TMEM178A: variants seen among roughly 807,000 people sequenced by gnomAD.
The protein encoded by TMEM178A is transmembrane protein 178.
TMEM178A carries 12 observed loss-of-function variants against 29.1 expected under a neutral mutation model. That is an observed-to-expected ratio of 0.41 (90% CI 0.26 to 0.67). The LOEUF (loss-of-function observed/expected upper bound fraction) is 0.67. Among genes scored for constraint, TMEM178A ranks in the 30% least tolerant of loss-of-function variants. TMEM178A has a pLI of 0.29. For synonymous variants in TMEM178A, 210 were observed against 187.2 expected (o/e 1.12, Z -0.99); for missense variants, 366 against 419.1 (o/e 0.87, Z 1.11).
At chr2:39,733,368 A>G in the TMEM178A span, among the ~76,000 whole-genome samples, 1 of 152,214 alleles carries the variant, frequency 6.6e-6, no homozygotes, top group Non-Finnish European at 1.5e-5. Context: ...GTGTCACCAG[A>G]CAGGAGCAGC....
chr2:39,672,078 G>C (rs1021879805), intron 1 of TMEM178A, among the ~76,000 whole-genome samples: 1 of 152,190 alleles, frequency 6.6e-6, no homozygotes, highest in Non-Finnish European at 1.5e-5. Flanking sequence ...TCCACAGTGT[G>C]CTGAGGCTGA....
chr2:39,715,480 T>C (rs962223193), intron 3 of TMEM178A, among the ~76,000 whole-genome samples: 18 of 152,244 alleles, frequency 1.2e-4, no homozygotes, highest in African/African-American at 3.4e-4. Context: ...CTTTTTTGAA[T>C]GGCCCATTAC....
At chr2:39,668,938 T>C (rs1670291688) in intron 1 of TMEM178A, among the ~76,000 whole-genome samples, 2 of 152,236 alleles carry the variant, frequency 1.3e-5, no homozygotes, top group South Asian at 4.1e-4. Flanking sequence ...ACCTTTGTTT[T>C]GGCATCTGAC....
Position 39,717,446 on chromosome 2 carries a change from A to AAGCACT in TMEM178A, c.*195_*196insAGCACT. The AAGCACT allele has an allele frequency of 1.5e-6, 1 of 665,416 alleles. No homozygotes were observed. Among genetic ancestry groups the AAGCACT allele is most frequent in the Non-Finnish European group, 2.4e-6 (1 of 423,748 alleles). The allele number at this position is 665,416 out of a possible 1,614,324, so 41.2% of individuals were successfully genotyped here. A position where few individuals can be genotyped will look rare whatever the true frequency, so the allele number is the denominator to read the frequency against. On this transcript the variant is annotated 3_prime_UTR_variant, in exon 4 of 4. Transcript: ENST00000281961. ...GACTACTGTGGATTCAAGTGCTTTA[A>AAGCACT]TGACTATTTATGCGTTGACTGTGAG...
chr2:39,712,675 C>A (rs1479446367), intron 3 of TMEM178A, among the ~76,000 whole-genome samples: 1 of 152,098 alleles, frequency 6.6e-6, no homozygotes, highest in East Asian at 1.9e-4. Context: ...CTCTCTCTCT[C>A]TCTCTCTCTG....
At chr2:39,718,184 C>G (rs113826958), downstream of TMEM178A, among the ~76,000 whole-genome samples, 1 of 109,420 alleles carries the variant, frequency 9.1e-6, no homozygotes, top group African/African-American at 3.7e-5. Flanking sequence ...ATACTATTTA[C>G]AATTTTCTTC....
intron 3 of TMEM178A, among the ~76,000 whole-genome samples, chr2:39,713,873 T>C (rs903688626): frequency 2.6e-5 from 4 of 152,248 alleles, no homozygotes; most frequent in Admixed American, 1.3e-4. Context: ...ACTCTTTTTC[T>C]TGATGCCTTT....
intron 1 of TMEM178A, among the ~76,000 whole-genome samples, chr2:39,689,231 T>A (rs1353142162): frequency 6.6e-6 from 1 of 152,242 alleles, no homozygotes; most frequent in Non-Finnish European, 1.5e-5. Context: ...CATGCTAAAA[T>A]GTGCAGCCTT....
At chr2:39,673,617 A>C (rs1324553481) in intron 1 of TMEM178A, among the ~76,000 whole-genome samples, 1 of 152,232 alleles carries the variant, frequency 6.6e-6, no homozygotes, top group Admixed American at 6.5e-5. Context: ...GTGTACAGAT[A>C]ATTCCAGAAG....
chr2:39,728,238 T>TA, the TMEM178A span, among the ~76,000 whole-genome samples: 3 of 152,218 alleles, frequency 2.0e-5, no homozygotes, highest in Admixed American at 6.5e-5. Context: ...CCTGACTTTT[T>TA]AATGATTGCC....
At chr2:39,735,763 G>C in the TMEM178A span, among the ~76,000 whole-genome samples, 2 of 152,228 alleles carry the variant, frequency 1.3e-5, no homozygotes, top group African/African-American at 2.4e-5. Flanking sequence ...GAAGCTTAGC[G>C]GTGGCTACGT....
At chr2:39,670,042 C>T (rs1314269882) in intron 1 of TMEM178A, among the ~76,000 whole-genome samples, 1 of 152,186 alleles carries the variant, frequency 6.6e-6, no homozygotes, top group Non-Finnish European at 1.5e-5. Flanking sequence ...GCTGAGGAAG[C>T]TTTGCTGATC....
the TMEM178A span, among the ~76,000 whole-genome samples, chr2:39,722,999 T>C: frequency 2.2e-3 from 342 of 152,314 alleles, 4 homozygotes; most frequent in African/African-American, 7.2e-3. Context: ...GAAACCTTGC[T>C]ATAGCAAGGG....
intron 1 of TMEM178A, among the ~76,000 whole-genome samples, chr2:39,698,347 A>G (rs2148091398): frequency 6.6e-6 from 1 of 152,336 alleles, no homozygotes; most frequent in East Asian, 1.9e-4. Flanking sequence ...CTTTATATTT[A>G]GCTCACAGGG....
chr2:39,704,005 C>A, intron 1 of TMEM178A, 76 bp from the exon 2 acceptor site: 3 of 1,236,728 alleles, frequency 2.4e-6, no homozygotes, highest in Non-Finnish European at 3.5e-6. Flanking sequence ...GGTTAGGTTA[C>A]GGTATTCTGC....
Position 39,717,269 on chromosome 2 carries a change from G to C in TMEM178A, c.*18G>C, listed in dbSNP as rs1672588261. The C allele has an allele frequency of 6.2e-7, 1 of 1,611,792 alleles. No individual in the cohort carries two copies. Among genetic ancestry groups the C allele is most frequent in the Non-Finnish European group, 8.5e-7 (1 of 1,178,878 alleles). ...CGGTATGACTGTCCTCACTGGGCCT[G>C]TCCACAGTGCGAGCGACTCCTGAGG... is the stretch of plus-strand genomic sequence containing the variant. On this transcript the variant is annotated 3_prime_UTR_variant, in exon 4 of 4. Transcript: ENST00000281961.
intron 3 of TMEM178A, among the ~76,000 whole-genome samples, chr2:39,711,766 G>A (rs1672311923): frequency 1.3e-5 from 2 of 152,164 alleles, no homozygotes; most frequent in Admixed American, 6.5e-5. Context: ...GGGGCCAGGT[G>A]TGTTTTGTAA....
At chr2:39,721,270 T>C (rs1672697426), downstream of TMEM178A, among the ~76,000 whole-genome samples, 1 of 152,252 alleles carries the variant, frequency 6.6e-6, no homozygotes, top group Non-Finnish European at 1.5e-5. Context: ...TACATATTCC[T>C]CTTAATATGC....
In TMEM178A at chr2:39,666,033, G is replaced by C; in HGVS notation, c.59G>C (p.Gly20Ala). 4 of 1,555,558 alleles carry C rather than the reference G, an allele frequency of 2.6e-6. No homozygotes were observed. The highest frequency in any genetic ancestry group is 3.5e-6 in the Non-Finnish European group (4 of 1,154,662). ...LSLGLSLCSLGLLVTAIFTDH... is the reference protein window; with the variant it reads ...LSLGLSLCSLALLVTAIFTDH... ...CTCGGCCTCAGCCTGTGCTCCCTGG[G>C]GCTGCTCGTCACGGCCATCTTCACC... The change falls in exon 1 of 4, where the codon GGG becomes GCG. Residue 20 changes from glycine to alanine, a missense_variant. Physicochemically the swap from Gly to Ala is moderately conservative, Grantham distance 60 (BLOSUM62 0). Transcript: ENST00000281961.
Sources: allele counts gnomAD v4.1 joint callset (sites outside exome capture counted in the v4.1 genomes callset), GRCh38; gene constraint gnomAD v4.1.1; transcripts MANE v1.5; gene names NCBI Gene and HGNC (gene_info 2026-07-23, HGNC 2026-07-21).